Variants in SPDYE2 observed in about 807,000 individuals in gnomAD.
SPDYE2 encodes the protein speedy/RINGO cell cycle regulator family member E2.
For missense variants in SPDYE2, 1 was observed against 121.0 expected (o/e 0.01, Z 4.65); for synonymous variants, 2 against 45.1 (o/e 0.04, Z 3.83).
intron 5 of SPDYE2, 56 bp downstream of exon 5, chr7:102,557,278 C>T (rs1167645586): frequency 6.4e-5 from 30 of 467,126 alleles, no homozygotes; most frequent in Middle Eastern, 5.6e-4. Flanking sequence ...GGGGGGAGGG[C>T]GCAGCTTCCA....
At chr7:102,555,298 T>C (rs1385993459) in intron 3 of SPDYE2, among the ~76,000 whole-genome samples, 1 of 110,512 alleles carries the variant, frequency 9.0e-6, no homozygotes, top group Non-Finnish European at 1.8e-5. Context: ...AAGGAGCACA[T>C]GAGGAGGGTG....
At chr7:102,555,230 C>T (rs1360061872) in intron 3 of SPDYE2, among the ~76,000 whole-genome samples, 1 of 48,606 alleles carries the variant, frequency 2.1e-5, no homozygotes, top group Non-Finnish European at 4.0e-5. Flanking sequence ...GAGACGCTGT[C>T]TCAAAAAAAA....
chr7:102,564,640 A>T (rs1381972242), downstream of SPDYE2: 1 of 152,046 alleles, frequency 6.6e-6, no homozygotes, highest in African/African-American at 2.4e-5. Context: ...AATTGCTGGG[A>T]TTATAAGCAT....
intron 2 of SPDYE2, among the ~76,000 whole-genome samples, chr7:102,553,746 G>A (rs1306306086): frequency 1.5e-4 from 5 of 32,486 alleles, no homozygotes; most frequent in African/African-American, 2.5e-4. Flanking sequence ...AAAAAGAAAA[G>A]AAGGGTCAGT....
At chr7:102,553,746 G>GAA (rs1800659375) in intron 2 of SPDYE2, among the ~76,000 whole-genome samples, 1 of 32,462 alleles carries the variant, frequency 3.1e-5, no homozygotes, top group African/African-American at 5.0e-5. Flanking sequence ...AAAAAGAAAA[G>GAA]AAGGGTCAGT....
At chr7:102,557,310 C>G in intron 5 of SPDYE2, 88 bp downstream of exon 5, 2 of 624,074 alleles carry the variant, frequency 3.2e-6, no homozygotes, top group South Asian at 1.9e-5. Flanking sequence ...CTCCCTCCAC[C>G]ACCTCCCACC....
At chr7:102,563,162 T>C (rs1404788558) in exon 9 of SPDYE2, 202 of 142,984 alleles carry the variant, frequency 1.4e-3, no homozygotes, top group Middle Eastern at 3.9e-3. Flanking sequence ...AATTTTGTTT[T>C]CCTTTTTAAG....
chr7:102,564,659 G>C (rs1800994043), downstream of SPDYE2: 1 of 152,958 alleles, frequency 6.5e-6, no homozygotes. Flanking sequence ...ATGAGCCACT[G>C]CATCTGGCCT....
chr7:102,565,051 C>T (rs1461148249), downstream of SPDYE2: 24 of 115,114 alleles, frequency 2.1e-4, no homozygotes, highest in Admixed American at 4.8e-4. Context: ...AGGTTAAGGC[C>T]ACCAGTCCCC....
chr7:102,564,422 CAAAAAAA>C (rs1224346476), downstream of SPDYE2: 5 of 103,568 alleles, frequency 4.8e-5, no homozygotes, highest in Admixed American at 2.9e-4. Context: ...CACCCCCTCT[CAAAAAAA>C]AAAAAAAAAA....
At chr7:102,555,140 G>T (rs1448517777) in intron 3 of SPDYE2, among the ~76,000 whole-genome samples, 1 of 141,918 alleles carries the variant, frequency 7.0e-6, no homozygotes, top group African/African-American at 2.6e-5. Context: ...GGCTGAGACA[G>T]GATAATCGCT....
downstream of SPDYE2, chr7:102,563,803 G>A (rs1332369667): frequency 7.4e-4 from 8 of 10,864 alleles, no homozygotes; most frequent in African/African-American, 2.1e-3. Context: ...ATTTTTTAAA[G>A]AAAAACAATA....
rs1244804087 is a variant in SPDYE2, at chr7:102,554,896, ATG to A, written c.379+320_379+321del. On this transcript the variant is annotated intron_variant, in intron 3 of 8. Transcript: ENST00000507918. ...CAGGACTTTGAGGCTGCAGTGAGCT[ATG>A]ACTGCACCACTGCACTCCAGCCTGG... Among the ~76,000 whole-genome samples, 361 of 120,214 alleles carry A rather than the reference ATG, an allele frequency of 3.0e-3. 3 individuals carry two copies. The highest frequency in any genetic ancestry group is 5.3e-3 in the Non-Finnish European group (279 of 52,262). The allele number at this position is 120,214 out of a possible 152,430, so 78.9% of individuals were successfully genotyped here. A position where few individuals can be genotyped will look rare whatever the true frequency, so the allele number is the denominator to read the frequency against.
chr7:102,555,998 C>CG lies in SPDYE2; in HGVS notation c.480dup (p.Lys161GlufsTer6). The CG allele has an allele frequency of 5.0e-6, 2 of 403,004 alleles. No individual in the cohort carries two copies. The highest frequency in any genetic ancestry group is 8.0e-6 in the Non-Finnish European group (2 of 251,434). 25.0% of individuals were successfully genotyped at this position (403,004 alleles called of 1,614,324 possible). On this transcript the variant is annotated frameshift_variant, in exon 4 of 9. Coordinates refer to ENST00000507918, the Ensembl canonical transcript of SPDYE2. LOFTEE classifies it high-confidence loss of function. ...TGAGGAGTCGTTGGAGGAGGAGCCA[C>CG]GGAAGGTGCTCGCCCCTGAGCCTGA...
At chr7:102,561,291 CT>C (rs1368759909) in intron 8 of SPDYE2, 71 bp downstream of exon 8, 9 of 440,850 alleles carry the variant, frequency 2.0e-5, no homozygotes, top group Non-Finnish European at 3.6e-5. Context: ...AACCCAATTG[CT>C]TGATCTGGCT....
chr7:102,564,442 A>C (rs1382602886), downstream of SPDYE2: 4 of 149,378 alleles, frequency 2.7e-5, no homozygotes, highest in Non-Finnish European at 6.0e-5. Flanking sequence ...AAAAAAAAAA[A>C]AGTTCGTTCC....
intron 5 of SPDYE2, among the ~76,000 whole-genome samples, 158 bp downstream of exon 5, chr7:102,557,380 T>TGTGTGA (rs1800834021): frequency 2.2e-5 from 3 of 133,934 alleles, no homozygotes; most frequent in Admixed American, 1.6e-4. Flanking sequence ...TGTGTGTGTG[T>TGTGTGA]GAGACAGAGT....
chr7:102,554,965 A>G (rs416037), intron 3 of SPDYE2, among the ~76,000 whole-genome samples: 90 of 128,878 alleles, frequency 7.0e-4, no homozygotes, highest in African/African-American at 1.8e-3. Context: ...AACGAAGGCC[A>G]GGTGTGGTAG....
Position 102,555,770 on chromosome 7 carries a change from G to GGAAA in SPDYE2, c.380-127_380-124dup, listed in dbSNP as rs1800781845. The GGAAA allele has an allele frequency of 4.7e-6, 4 of 843,792 alleles. 1 individual carries two copies. 52.3% of individuals were successfully genotyped at this position (843,792 alleles called of 1,614,324 possible). ...AGCTCAGCAGAGGAGACAGACAGAA[G>GGAAA]GAAAGATGGCTTGGAGAAGCCAGCA... On this transcript the variant is annotated intron_variant, in intron 3 of 8. Coordinates refer to ENST00000507918, the Ensembl canonical transcript of SPDYE2.
Sources: gnomAD v4.1 joint callset for allele counts (sites outside exome capture counted in the v4.1 genomes callset) on GRCh38, gnomAD v4.1.1 for gene constraint, MANE v1.5 for transcripts, NCBI Gene and HGNC (gene_info 2026-07-23, HGNC 2026-07-21) for gene names.